Variants in UTRN observed in about 807,000 individuals in gnomAD.
The protein encoded by UTRN is utrophin.
Under a neutral mutation model 463.9 loss-of-function variants are expected in UTRN, and 283 were observed. That is an observed-to-expected ratio of 0.61 (90% CI 0.55 to 0.67). The LOEUF is 0.67. UTRN is among the 30% of genes least tolerant of loss of function. The pLI is 0.00. For missense variants in UTRN, 3,922 were observed against 4,084.3 expected (o/e 0.96, Z 1.08); for synonymous variants, 1,442 against 1,431.5 (o/e 1.01, Z -0.17).
intron 52 of UTRN, among the ~76,000 whole-genome samples, chr6:144,699,173 C>T (rs1054191995): frequency 6.6e-6 from 1 of 152,144 alleles, no homozygotes; most frequent in Non-Finnish European, 1.5e-5. Flanking sequence ...GGCGCGGTGG[C>T]TCACACCTGT....
At chr6:144,836,178 G>T in intron 70 of UTRN, 123 bp from the exon 71 acceptor site, 1 of 1,437,296 alleles carries the variant, frequency 7.0e-7, no homozygotes. Flanking sequence ...TGCTCATCCT[G>T]CTATTAATAC....
chr6:144,607,993 C>T (rs922455564), intron 51 of UTRN, among the ~76,000 whole-genome samples: 1 of 152,116 alleles, frequency 6.6e-6, no homozygotes, highest in African/African-American at 2.4e-5. Flanking sequence ...TTGTGTTCCC[C>T]AGATTTCATT....
intron 41 of UTRN, among the ~76,000 whole-genome samples, chr6:144,526,148 A>G (rs1226766178): frequency 2.0e-5 from 3 of 152,184 alleles, no homozygotes; most frequent in Non-Finnish European, 4.4e-5. Context: ...TGAATAGAAT[A>G]TATATTCTGC....
At position 144,285,763 on chromosome 6, in the gene UTRN, T is replaced by A. The variant is rs956583241; in HGVS notation, c.-151T>A. On this transcript the variant is annotated 5_prime_UTR_variant, in exon 1 of 75. It adds an upstream start codon to the 5' untranslated region. Coordinates refer to ENST00000367545, the MANE Select transcript of UTRN (RefSeq NM_007124.3). ...CCGTGTCAAACTCCTAGAGGAGCCC[T>A]TGGCCAGCTCGGGGTGCGGCGGTGG... The A allele has an allele frequency of 2.0e-5, 3 of 152,344 alleles. No individual in the cohort carries two copies. The highest frequency in any genetic ancestry group is 1.3e-4 in the Admixed American group (2 of 15,282). The allele number at this position is 152,344 out of a possible 1,614,324, so 9.4% of individuals were successfully genotyped here.
intron 1 of UTRN, among the ~76,000 whole-genome samples, chr6:144,289,375 T>A (rs183125007): frequency 6.6e-6 from 1 of 152,244 alleles, no homozygotes; most frequent in Non-Finnish European, 1.5e-5. Flanking sequence ...TTTCTTTCTA[T>A]CTACTCTTGT....
At chr6:144,841,188 G>A (rs902771872) in intron 73 of UTRN, among the ~76,000 whole-genome samples, 2 of 152,190 alleles carry the variant, frequency 1.3e-5, no homozygotes, top group Non-Finnish European at 2.9e-5. Flanking sequence ...GCTTTCAGTG[G>A]CATGCCAAAC....
intron 1 of UTRN, among the ~76,000 whole-genome samples, chr6:144,288,819 G>A (rs1426836667): frequency 1.0e-4 from 15 of 148,158 alleles, no homozygotes; most frequent in African/African-American, 3.3e-4. Context: ...CTGGAGTGCA[G>A]TGGCAGCGAT....
At chr6:144,671,266 A>G (rs1214208330) in intron 51 of UTRN, among the ~76,000 whole-genome samples, 1 of 152,090 alleles carries the variant, frequency 6.6e-6, no homozygotes, top group Non-Finnish European at 1.5e-5. Context: ...CTACTCATAC[A>G]TGAGCATGGG....
Position 144,461,334 on chromosome 6 carries a change from G to GA in UTRN, c.2852dup (p.Thr952AspfsTer3). 1.9e-6 allele frequency: 3 copies of GA among 1,558,066 alleles called. No homozygotes were observed. The highest frequency in any genetic ancestry group is 1.9e-5 in the Admixed American group (1 of 51,848). Reference sequence around the variant, plus strand: ...TGCCAAGGTGGAGAAGGCCCTGCAAGAAAAAAAGGTAACATATATCTTCCA... The same window carrying GA: ...TGCCAAGGTGGAGAAGGCCCTGCAAGAAAAAAAAGGTAACATATATCTTCCA... On this transcript the variant is annotated frameshift_variant, in exon 22 of 75. Transcript: ENST00000367545. LOFTEE classifies it high-confidence loss of function.
intron 2 of UTRN, among the ~76,000 whole-genome samples, chr6:144,377,383 T>C (rs1452193653): frequency 6.6e-6 from 1 of 152,224 alleles, no homozygotes; most frequent in Non-Finnish European, 1.5e-5. Flanking sequence ...TACATGTGCT[T>C]GTTACAGAGT....
At position 144,839,260 on chromosome 6, in the gene UTRN, T is replaced by A. The variant is rs1332192240; in HGVS notation, c.10153T>A (p.Ser3385Thr). 6.2e-7 allele frequency: 1 copy of A among 1,613,716 alleles called. No homozygotes were observed. Among genetic ancestry groups the A allele is most frequent in the African/African-American group, 1.3e-5 (1 of 74,926 alleles). Residue 3385 changes from serine to threonine, a missense_variant, in exon 72 of 75, where the codon TCC (serine) becomes ACC (threonine). Physicochemically the swap from Ser to Thr is moderately conservative, Grantham distance 58. Coordinates refer to ENST00000367545, the MANE Select transcript of UTRN (RefSeq NM_007124.3). The stretch of plus-strand genomic sequence containing the variant: ...GAGCTACTCGCTTGATCCAGATGCC[T>A]CCGGCCCACAGTTCCACCAGGCAGG... ...ALSYSLDPDASGPQFHQAAGE... is the reference protein window; with the variant it reads ...ALSYSLDPDATGPQFHQAAGE...
chr6:144,376,151 T>A (rs1780437824), intron 2 of UTRN, among the ~76,000 whole-genome samples: 2 of 152,098 alleles, frequency 1.3e-5, no homozygotes, highest in African/African-American at 4.8e-5. Context: ...TATTCCCAGT[T>A]GCTTTTTTTA....
chr6:144,386,947 T>C (rs1337156329), intron 2 of UTRN, among the ~76,000 whole-genome samples: 3 of 152,168 alleles, frequency 2.0e-5, no homozygotes, highest in East Asian at 1.9e-4. Flanking sequence ...AAAAAAATGC[T>C]ATTTATAGTA....
At chr6:144,307,532 T>C (rs73008892) in intron 2 of UTRN, among the ~76,000 whole-genome samples, 3,534 of 152,280 alleles carry the variant, frequency 0.023, 60 homozygotes, top group Non-Finnish European at 0.039. Flanking sequence ...TTTTCTGAAA[T>C]TAGATTGGCA....
intron 52 of UTRN, among the ~76,000 whole-genome samples, chr6:144,699,859 A>G (rs1784405853): frequency 6.7e-6 from 1 of 148,584 alleles, no homozygotes; most frequent in African/African-American, 2.4e-5. Context: ...ATAAATATAT[A>G]TACTTATGTA....
rs1252770594 is a variant in UTRN at position 144,528,146 on chromosome 6, C to G, written c.5907-2906C>G. On this transcript the variant is annotated intron_variant, in intron 41 of 74. Coordinates refer to ENST00000367545, the MANE Select transcript of UTRN (RefSeq NM_007124.3). ...CCGCCTCCCAGGTTTGAGTGATTCT[C>G]CTGCCTCAGCCTCCTGAGTAGCTGG... Among the ~76,000 whole-genome samples the G allele has an allele frequency of 2.0e-5, 3 of 148,976 alleles. No individual in the cohort carries two copies. In the Admixed American group the frequency reaches 2.1e-4, roughly 10 times the overall value.
chr6:144,508,673 T>C (rs941348975), intron 34 of UTRN, among the ~76,000 whole-genome samples: 2 of 152,232 alleles, frequency 1.3e-5, no homozygotes. Context: ...TGTTCCTGTT[T>C]GGCCATCTTG....
chr6:144,505,502 C>T (rs978073913), intron 34 of UTRN, among the ~76,000 whole-genome samples: 8 of 152,150 alleles, frequency 5.3e-5, no homozygotes, highest in East Asian at 1.9e-4. Flanking sequence ...GCCTTAATTT[C>T]GTTATTTACC....
Position 144,839,155 on chromosome 6 carries a change from C to G in UTRN, c.10066-18C>G. 6.3e-7 allele frequency: 1 copy of G among 1,593,144 alleles called. No homozygotes were observed. ...ATTTGAATCCTTTCTCTGCTTTAAC[C>G]TCTGAATGTGGTTCCAGCCTGAATC... On this transcript the variant is annotated intron_variant, in intron 71 of 74. Coordinates refer to ENST00000367545, the MANE Select transcript of UTRN (RefSeq NM_007124.3).
Sources: allele counts gnomAD v4.1 joint callset (sites outside exome capture counted in the v4.1 genomes callset), GRCh38; gene constraint gnomAD v4.1.1; transcripts MANE v1.5; gene names NCBI Gene and HGNC (gene_info 2026-07-23, HGNC 2026-07-21).